The following HECW1 variants were observed in gnomAD, a reference collection of about 807,000 sequenced individuals.
HECW1 encodes the protein HECT, C2 and WW domain containing E3 ubiquitin protein ligase 1, also known as E3 ubiquitin-protein ligase HECW1.
Under a neutral mutation model 182.3 loss-of-function variants are expected in HECW1, and 61 were observed. The ratio of observed to expected loss-of-function variants is 0.33; its 90% CI spans 0.27 to 0.41. The LOEUF (loss-of-function observed/expected upper bound fraction) is 0.41. Among genes scored for constraint, HECW1 ranks in the 10% least tolerant of loss-of-function variants. The pLI is 1.00. For missense variants in HECW1, 1,739 were observed against 2,108.9 expected (o/e 0.82, Z 3.44); for synonymous variants, 859 against 832.6 (o/e 1.03, Z -0.55).
intron 24 of HECW1, among the ~76,000 whole-genome samples, chr7:43,539,871 C>G (rs911657713): frequency 6.6e-6 from 1 of 152,188 alleles, no homozygotes; most frequent in South Asian, 2.1e-4. Context: ...GTTGTGGTTA[C>G]TGTCTTGGAG....
intron 2 of HECW1, among the ~76,000 whole-genome samples, chr7:43,216,546 G>A (rs1013302096): frequency 1.3e-5 from 2 of 152,138 alleles, no homozygotes; most frequent in African/African-American, 4.8e-5. Flanking sequence ...CTGGATCATG[G>A]TAAGCTGAAG....
At chr7:43,149,070 A>G (rs1789018705) in intron 2 of HECW1, among the ~76,000 whole-genome samples, 1 of 152,186 alleles carries the variant, frequency 6.6e-6, no homozygotes, top group Admixed American at 6.5e-5. Flanking sequence ...GGCAAATAAA[A>G]TCCACAGATG....
intron 21 of HECW1, among the ~76,000 whole-genome samples, 153 bp from the exon 22 acceptor site, chr7:43,506,984 C>T (rs1217743173): frequency 1.3e-5 from 2 of 152,156 alleles, no homozygotes; most frequent in East Asian, 1.9e-4. Flanking sequence ...GTAGCAGAAT[C>T]GCTTGAACCC....
chr7:43,227,517 T>C (rs1375588044), intron 2 of HECW1, among the ~76,000 whole-genome samples: 1 of 152,212 alleles, frequency 6.6e-6, no homozygotes, highest in Non-Finnish European at 1.5e-5. Flanking sequence ...ATAAAAGATT[T>C]AATTTAATCT....
Position 43,565,031 on chromosome 7 carries a change from G to T in HECW1, c.*3105G>T, listed in dbSNP as rs892329288. On this transcript the variant is annotated 3_prime_UTR_variant, in exon 30 of 30. Coordinates refer to ENST00000395891, the MANE Select transcript of HECW1 (RefSeq NM_015052.5). The stretch of plus-strand genomic sequence containing the variant: ...GGACAAACAAGAACAATAAATAAGA[G>T]AAGATTTATGTTACAACTTTGAAAA... 22 of 189,848 alleles carry T rather than the reference G, an allele frequency of 1.2e-4. No homozygotes were observed. The East Asian group carries it at 1.8e-3, about 16-fold the overall frequency. 11.8% of individuals were successfully genotyped at this position (189,848 alleles called of 1,614,324 possible). A position where few individuals can be genotyped will look rare whatever the true frequency, so the allele number is the denominator to read the frequency against.
In HECW1 at chr7:43,445,312, G is replaced by A. The variant is rs761608981; in HGVS notation, c.2140G>A (p.Ala714Thr). The A allele has an allele frequency of 1.6e-5, 26 of 1,611,770 alleles. No individual in the cohort carries two copies. Among genetic ancestry groups the A allele is most frequent in the Non-Finnish European group, 2.2e-5 (26 of 1,179,802 alleles). ...SPSCYNGNRF[A>T]SHTRFSSVDS... Reference sequence around the variant, plus strand: ...CTCCTGCTACAACGGCAACAGGTTCGCCAGCCACACGCGCTTCTCCTCCGT... The same window carrying A: ...CTCCTGCTACAACGGCAACAGGTTCACCAGCCACACGCGCTTCTCCTCCGT... Residue 714 changes from alanine to threonine, a missense_variant, in exon 11 of 30, where the codon GCC becomes ACC. Physicochemically the swap from Ala to Thr is moderately conservative, Grantham distance 58. Transcript: ENST00000395891.
chr7:43,229,017 A>T (rs60965009), intron 2 of HECW1, among the ~76,000 whole-genome samples: 1 of 152,178 alleles, frequency 6.6e-6, no homozygotes, highest in Admixed American at 6.5e-5. Context: ...GATTTTCCAC[A>T]GTACGAATGA....
intron 2 of HECW1, among the ~76,000 whole-genome samples, chr7:43,235,782 G>A (rs978493988): frequency 2.6e-5 from 4 of 152,124 alleles, no homozygotes; most frequent in African/African-American, 9.7e-5. Flanking sequence ...GTGGGCATGG[G>A]TGTGGGTGGC....
At chr7:43,535,257 G>A (rs1196649521) in intron 24 of HECW1, among the ~76,000 whole-genome samples, 1 of 152,178 alleles carries the variant, frequency 6.6e-6, no homozygotes, top group East Asian at 1.9e-4. Context: ...AGATGGGCTG[G>A]AAATGTGTGA....
intron 2 of HECW1, among the ~76,000 whole-genome samples, chr7:43,158,063 T>G (rs1270843893): frequency 6.6e-6 from 1 of 152,210 alleles, no homozygotes; most frequent in Non-Finnish European, 1.5e-5. Context: ...AAGCTTCTTG[T>G]GAGTATTGAT....
chr7:43,428,675 G>C (rs2076435769), intron 8 of HECW1, among the ~76,000 whole-genome samples: 1 of 152,210 alleles, frequency 6.6e-6, no homozygotes, highest in African/African-American at 2.4e-5. Flanking sequence ...GAAGATGACA[G>C]TTTATCAACA....
chr7:43,414,884 C>A (rs1259753496), intron 8 of HECW1, among the ~76,000 whole-genome samples: 2 of 151,996 alleles, frequency 1.3e-5, no homozygotes, highest in African/African-American at 4.8e-5. Flanking sequence ...ATTTTTGCAT[C>A]AATGTTCATC....
intron 5 of HECW1, among the ~76,000 whole-genome samples, chr7:43,344,596 C>T (rs778008089): frequency 3.3e-5 from 5 of 151,202 alleles, no homozygotes; most frequent in South Asian, 2.1e-4. Flanking sequence ...TGATGTCTTT[C>T]GATGTAGCAC....
intron 21 of HECW1, among the ~76,000 whole-genome samples, chr7:43,506,740 A>C (rs993691811): frequency 6.6e-6 from 1 of 151,876 alleles, no homozygotes; most frequent in African/African-American, 2.4e-5. Context: ...TGGCCAATGT[A>C]GTGAAAGCTC....
intron 8 of HECW1, among the ~76,000 whole-genome samples, chr7:43,421,222 C>T (rs1321748543): frequency 6.6e-6 from 1 of 152,198 alleles, no homozygotes; most frequent in Non-Finnish European, 1.5e-5. Context: ...GATGTTGGGT[C>T]AATTTGCTGT....
chr7:43,564,201 T>C lies in HECW1; in HGVS notation c.*2275T>C, dbSNP rs2082278803. ...ATTCTAACTCTTGCAACAACATCTC[T>C]AATATAGGGGCATCTTTTATCTTTA... On this transcript the variant is annotated 3_prime_UTR_variant, in exon 30 of 30. Transcript: ENST00000395891. 1.0e-5 allele frequency: 2 copies of C among 190,888 alleles called. No homozygotes were observed. Among genetic ancestry groups the C allele is most frequent in the South Asian group, 3.9e-4 (2 of 5,162 alleles). The allele number at this position is 190,888 out of a possible 1,614,324, so 11.8% of individuals were successfully genotyped here. A position where few individuals can be genotyped will look rare whatever the true frequency, so the allele number is the denominator to read the frequency against.
At chr7:43,114,883 T>C (rs1297426397) in intron 2 of HECW1, among the ~76,000 whole-genome samples, 1 of 152,252 alleles carries the variant, frequency 6.6e-6, no homozygotes, top group Non-Finnish European at 1.5e-5. Flanking sequence ...TTTGTGTATA[T>C]AGCATCATTT....
At position 43,330,987 on chromosome 7, in the gene HECW1, AT is replaced by A. The variant is rs199905645; in HGVS notation, c.460+10249del. Among the ~76,000 whole-genome samples the A allele has an allele frequency of 1.3e-4, 20 of 151,284 alleles. 1 individual carries two copies. The East Asian group carries it at 3.1e-3, about 24-fold the overall frequency. ...CTTTTATTTATTTATTTATTTATTT[AT>A]TTTATTTTTTTATATACTTTAAGTC... On this transcript the variant is annotated intron_variant, in intron 5 of 29. Transcript: ENST00000395891.
At chr7:43,446,006 C>T (rs142558330) in intron 11 of HECW1, among the ~76,000 whole-genome samples, 47 of 152,248 alleles carry the variant, frequency 3.1e-4, no homozygotes, top group Non-Finnish European at 5.4e-4. Flanking sequence ...GGAAGATTAG[C>T]AATAGATGTT....
Sources: allele counts gnomAD v4.1 joint callset (sites outside exome capture counted in the v4.1 genomes callset), GRCh38; gene constraint gnomAD v4.1.1; transcripts MANE v1.5; gene names NCBI Gene and HGNC (gene_info 2026-07-23, HGNC 2026-07-21).